TANC2: variants seen among roughly 807,000 people sequenced by gnomAD.
TANC2 encodes tetratricopeptide repeat, ankyrin repeat and coiled-coil containing 2, also known as protein TANC2.
A neutral mutation model predicts 210.5 loss-of-function variants in TANC2; 26 were observed. The observed-to-expected ratio is 0.12, with a 90% CI of 0.09 to 0.17. The LOEUF (loss-of-function observed/expected upper bound fraction) is 0.17. Among genes scored for constraint, TANC2 ranks in the 10% least tolerant of loss-of-function variants. TANC2 has a pLI of 1.00. For missense variants in TANC2, 2,129 were observed against 2,608.9 expected (o/e 0.82, Z 4.01); for synonymous variants, 931 against 967.1 (o/e 0.96, Z 0.69).
chr17:63,296,828 G>C (rs1275013013), intron 9 of TANC2, among the ~76,000 whole-genome samples: 1 of 152,034 alleles, frequency 6.6e-6, no homozygotes. Context: ...AGAAGCAGAA[G>C]AAATAGTGAA....
exon 12 of TANC2, chr17:63,340,154 A>G (rs1306761175): frequency 1.2e-6 from 2 of 1,613,794 alleles, no homozygotes; most frequent in East Asian, 2.2e-5. Context: ...GCTTGGTGCC[A>G]GAATTTGTCC....
At chr17:63,012,665 T>G (rs2033924162) in intron 2 of TANC2, among the ~76,000 whole-genome samples, 1 of 152,142 alleles carries the variant, frequency 6.6e-6, no homozygotes, top group African/African-American at 2.4e-5. Flanking sequence ...TTTATTTTAT[T>G]TTTAGAGACA....
chr17:63,352,621 CAT>C (rs1346926786), intron 13 of TANC2, among the ~76,000 whole-genome samples: 1 of 152,136 alleles, frequency 6.6e-6, no homozygotes, highest in Admixed American at 6.6e-5. Context: ...CACATAATAT[CAT>C]GTGCAGTCTC....
Position 63,412,629 on chromosome 17 carries a change from T to A in TANC2, c.3899-51T>A. The stretch of plus-strand genomic sequence containing the variant: ...CTTCTTTTTTTTTTTTTCACCTTCA[T>A]CCATTTTTTTTTCCTCTCCTACAAC... On this transcript the variant is annotated intron_variant, in intron 23 of 27. Transcript: ENST00000689528. The surrounding 1 kb of genome is among the most constrained non-coding windows in gnomAD (Gnocchi z 4.2). 2.2e-6 allele frequency: 3 copies of A among 1,391,128 alleles called. No homozygotes were observed. The highest frequency in any genetic ancestry group is 2.0e-6 in the Non-Finnish European group (2 of 1,022,092). The allele number at this position is 1,391,128 out of a possible 1,614,324, so 86.2% of individuals were successfully genotyped here. A position where few individuals can be genotyped will look rare whatever the true frequency, so the allele number is the denominator to read the frequency against.
At chr17:63,295,446 A>G (rs2044506166) in intron 9 of TANC2, among the ~76,000 whole-genome samples, 1 of 152,242 alleles carries the variant, frequency 6.6e-6, no homozygotes, top group Non-Finnish European at 1.5e-5. Flanking sequence ...ATAAATTAGC[A>G]TTAGTCATAT....
chr17:63,170,012 G>A (rs1223748888), intron 5 of TANC2, among the ~76,000 whole-genome samples: 1 of 151,620 alleles, frequency 6.6e-6, no homozygotes, highest in Non-Finnish European at 1.5e-5. Context: ...CCAGCTACTC[G>A]GGAGGCTGAG....
At chr17:63,304,421 G>A (rs1287868246) in intron 9 of TANC2, among the ~76,000 whole-genome samples, 2 of 152,148 alleles carry the variant, frequency 1.3e-5, no homozygotes, top group African/African-American at 4.8e-5. Context: ...TCTCACTCGA[G>A]GAGGCTGGAG....
intron 1 of TANC2, among the ~76,000 whole-genome samples, chr17:62,993,200 G>A (rs2032952604): frequency 1.3e-5 from 2 of 152,234 alleles, no homozygotes; most frequent in South Asian, 4.1e-4. Context: ...CCTTTGCCAT[G>A]TAAGGTAACA....
intron 1 of TANC2, among the ~76,000 whole-genome samples, chr17:62,979,197 C>A (rs890109875): frequency 2.0e-5 from 3 of 152,112 alleles, no homozygotes; most frequent in Non-Finnish European, 2.9e-5. Context: ...CTGAGATTTT[C>A]AGGTTTAATC....
intron 8 of TANC2, among the ~76,000 whole-genome samples, chr17:63,262,334 A>G (rs2043387427): frequency 6.6e-6 from 1 of 152,102 alleles, no homozygotes; most frequent in African/African-American, 2.4e-5. Context: ...CATGCGCACT[A>G]TACCCAATCA....
intron 17 of TANC2, among the ~76,000 whole-genome samples, chr17:63,395,536 A>T (rs567619523): frequency 2.0e-5 from 3 of 152,288 alleles, no homozygotes; most frequent in Admixed American, 2.0e-4. Flanking sequence ...TGAGGAAAAG[A>T]AGTTCTTCCC....
chr17:63,025,224 T>C (rs2144057209), intron 2 of TANC2, among the ~76,000 whole-genome samples: 1 of 152,300 alleles, frequency 6.6e-6, no homozygotes, highest in Middle Eastern at 3.4e-3. Flanking sequence ...CTGTAGAACA[T>C]TGGTCTCAAT....
chr17:63,336,076 G>C (rs1275468342), intron 11 of TANC2, among the ~76,000 whole-genome samples: 1 of 152,184 alleles, frequency 6.6e-6, no homozygotes, highest in Non-Finnish European at 1.5e-5. Flanking sequence ...TCAGAATTGA[G>C]GGACTAAGAG....
chr17:63,394,813 T>A (rs1457084676), intron 17 of TANC2, among the ~76,000 whole-genome samples: 1 of 152,248 alleles, frequency 6.6e-6, no homozygotes, highest in Non-Finnish European at 1.5e-5. Flanking sequence ...GACAGGCTCT[T>A]GTCACATTGG....
At chr17:63,318,906 T>C in intron 10 of TANC2, 51 bp from the exon 11 acceptor site, 1 of 1,605,928 alleles carries the variant, frequency 6.2e-7, no homozygotes, top group East Asian at 2.2e-5. Flanking sequence ...CCATTTTTCC[T>C]TAAAGTTTTT....
chr17:63,371,189 G>A (rs549439230), intron 14 of TANC2, among the ~76,000 whole-genome samples: 10 of 152,274 alleles, frequency 6.6e-5, no homozygotes, highest in African/African-American at 2.4e-4. Context: ...ACCTGGCCAG[G>A]TACGGTGGCT....
intron 11 of TANC2, among the ~76,000 whole-genome samples, chr17:63,327,914 T>C (rs188324376): frequency 6.6e-6 from 1 of 152,196 alleles, no homozygotes; most frequent in African/African-American, 2.4e-5. Context: ...GCTAATGCTA[T>C]CCCTCCCCAC....
chr17:63,255,938 C>T (rs2043183252), intron 8 of TANC2, among the ~76,000 whole-genome samples: 1 of 129,118 alleles, frequency 7.7e-6, no homozygotes. Flanking sequence ...GACAGTCTCA[C>T]TCTGTTGCCC....
intron 9 of TANC2, among the ~76,000 whole-genome samples, chr17:63,298,031 G>A (rs536082476): frequency 1.6e-4 from 25 of 152,144 alleles, no homozygotes; most frequent in African/African-American, 6.0e-4. Context: ...TAGGATGGCT[G>A]TAATAAAAAC....
Sources: allele counts gnomAD v4.1 joint callset (sites outside exome capture counted in the v4.1 genomes callset), GRCh38; gene constraint gnomAD v4.1.1; non-coding constraint Gnocchi (gnomAD v3.1); transcripts MANE v1.5; gene names NCBI Gene and HGNC (gene_info 2026-07-23, HGNC 2026-07-21).